Variants in ALK observed in about 807,000 individuals in gnomAD.
The protein encoded by ALK is ALK receptor tyrosine kinase.
In ALK, 74 loss-of-function variants were observed where a neutral mutation model predicts 163.1. The observed-to-expected ratio is 0.45, with a 90% CI of 0.38 to 0.55. The LOEUF (loss-of-function observed/expected upper bound fraction) is 0.55. Among genes scored for constraint, ALK ranks in the 20% least tolerant of loss-of-function variants. The probability of loss-of-function intolerance (pLI) is 0.00; values close to 1 mark genes in which losing one functional copy is unlikely to be tolerated. For missense variants in ALK, 2,063 were observed against 2,105.3 expected, an observed-to-expected ratio of 0.98 and a Z score of 0.39; for synonymous variants, 960 against 843.2, an observed-to-expected ratio of 1.14 and a Z score of -2.40.
chr2:29,641,531 T>C (rs1676702767), intron 3 of ALK, among the ~76,000 whole-genome samples: 2 of 152,152 alleles, frequency 1.3e-5, no homozygotes, highest in Non-Finnish European at 2.9e-5. Flanking sequence ...CATGCTTTTA[T>C]TGTTCAATTA....
At chr2:29,726,918 C>G (rs1679592005) in intron 1 of ALK, among the ~76,000 whole-genome samples, 1 of 152,186 alleles carries the variant, frequency 6.6e-6, no homozygotes. Context: ...CTGCAGACCT[C>G]TGATGTGTGG....
chr2:29,708,842 A>G (rs901251935), intron 2 of ALK, among the ~76,000 whole-genome samples: 3 of 152,052 alleles, frequency 2.0e-5, no homozygotes, highest in African/African-American at 7.2e-5. Flanking sequence ...TGATCAGACC[A>G]CAGAAGGCCC....
intron 3 of ALK, among the ~76,000 whole-genome samples, chr2:29,552,780 C>T (rs535839306): frequency 2.6e-5 from 4 of 152,136 alleles, no homozygotes; most frequent in Admixed American, 1.3e-4. Context: ...AAGTAAACAT[C>T]GGATTGTATC....
At chr2:29,308,651 G>A (rs1209187490) in intron 8 of ALK, among the ~76,000 whole-genome samples, 2 of 152,232 alleles carry the variant, frequency 1.3e-5, no homozygotes, top group Non-Finnish European at 2.9e-5. Context: ...TACGTATCAC[G>A]TAATATCTCA....
chr2:29,570,835 A>T (rs1359808949), intron 3 of ALK, among the ~76,000 whole-genome samples: 1 of 152,210 alleles, frequency 6.6e-6, no homozygotes, highest in Non-Finnish European at 1.5e-5. Flanking sequence ...GCAAAGCAAA[A>T]CTTTTATTTA....
intron 4 of ALK, among the ~76,000 whole-genome samples, chr2:29,463,465 T>C (rs1266339716): frequency 6.6e-6 from 1 of 152,158 alleles, no homozygotes; most frequent in East Asian, 1.9e-4. Context: ...GCTACAGGGA[T>C]TGCTCTCATG....
chr2:29,399,184 G>A (rs1669383739), intron 4 of ALK, among the ~76,000 whole-genome samples: 1 of 152,200 alleles, frequency 6.6e-6, no homozygotes, highest in African/African-American at 2.4e-5. Flanking sequence ...TCTCTTAGGA[G>A]CTCTAAGAGG....
intron 12 of ALK, 131 bp downstream of exon 12, chr2:29,250,973 CT>C: frequency 2.8e-5 from 24 of 848,096 alleles, no homozygotes; most frequent in Non-Finnish European, 4.2e-5. Flanking sequence ...TTTATACCCC[CT>C]ATGGGCCTGA....
chr2:29,820,943 C>G (rs1026968183), intron 1 of ALK, among the ~76,000 whole-genome samples: 1 of 152,164 alleles, frequency 6.6e-6, no homozygotes, highest in African/African-American at 2.4e-5. Flanking sequence ...TTTGGGGATA[C>G]ATGTTGTTCT....
At chr2:29,277,596 G>A (rs186000223) in intron 9 of ALK, among the ~76,000 whole-genome samples, 68 of 152,368 alleles carry the variant, frequency 4.5e-4, no homozygotes, top group Non-Finnish European at 4.3e-4. Context: ...TGTTGTAGCC[G>A]TGGCCAGCAT....
In ALK at chr2:29,807,330, A is replaced by T. The variant is rs149312567; in HGVS notation, c.668-89633T>A. 3.9e-5 allele frequency among the ~76,000 whole-genome samples: 6 copies of T among 152,336 alleles called. No homozygotes were observed. The East Asian group carries it at 1.2e-3, about 29-fold the overall frequency. ...GAATGAAAAAGAATAGAAGATAACC[A>T]TAGCGGTGTGAGTCTTGTGCTATTG... On this transcript the variant is annotated intron_variant, in intron 1 of 28. Transcript: ENST00000389048.
intron 1 of ALK, among the ~76,000 whole-genome samples, chr2:29,727,954 G>A (rs972806289): frequency 2.0e-5 from 3 of 152,118 alleles, no homozygotes; most frequent in African/African-American, 4.8e-5. Context: ...TGCTTCACTC[G>A]AAGTCATCTC....
chr2:29,278,422 G>A (rs1482728791), intron 9 of ALK, among the ~76,000 whole-genome samples: 1 of 152,178 alleles, frequency 6.6e-6, no homozygotes, highest in East Asian at 1.9e-4. Flanking sequence ...AAGCAGGATG[G>A]GGACCAGGAG....
intron 5 of ALK, among the ~76,000 whole-genome samples, chr2:29,364,494 C>T (rs12328366): frequency 0.059 from 8,957 of 152,254 alleles, 351 homozygotes; most frequent in African/African-American, 0.11. Flanking sequence ...CCTGCCAGTT[C>T]CTTCTGAAGG....
intron 9 of ALK, among the ~76,000 whole-genome samples, chr2:29,295,996 A>T (rs1283387483): frequency 6.6e-6 from 1 of 152,192 alleles, no homozygotes; most frequent in East Asian, 1.9e-4. Context: ...GAGTGCTGCC[A>T]TGCAGGGCCA....
At chr2:29,555,623 A>G (rs539421797) in intron 3 of ALK, among the ~76,000 whole-genome samples, 21 of 152,226 alleles carry the variant, frequency 1.4e-4, no homozygotes, top group African/African-American at 4.3e-4. Context: ...ATTGACTTCA[A>G]TTCATAAATT....
At chr2:29,598,597 AGT>A (rs1391787207) in intron 3 of ALK, among the ~76,000 whole-genome samples, 1 of 152,212 alleles carries the variant, frequency 6.6e-6, no homozygotes, top group Non-Finnish European at 1.5e-5. Flanking sequence ...TGGTTTTAAT[AGT>A]ACATGACATT....
At position 29,193,792 on chromosome 2, in the gene ALK, C is replaced by A. The variant is rs1374838786; in HGVS notation, c.4295G>T (p.Arg1432Leu). The stretch of plus-strand genomic sequence containing the variant: ...GGCAGCTGGGCTGCGCTCCTCCTCC[C>A]GTTTTGCCTGTTGAGAGACCAGGAG... ...PPLLVSQQAK[R>L]EEERSPAAPP... The change falls in exon 29 of 29, where the codon CGG becomes CTG. Residue 1432 changes from arginine to leucine, a missense_variant. By Grantham distance (102) the Arg-to-Leu change is moderately radical. Coordinates refer to ENST00000389048, the MANE Select transcript of ALK (RefSeq NM_004304.5). The A allele has an allele frequency of 6.3e-7, 1 of 1,595,352 alleles. No homozygotes were observed. Among genetic ancestry groups the A allele is most frequent in the Non-Finnish European group, 8.5e-7 (1 of 1,170,504 alleles).
rs76407470 is a variant in ALK, at chr2:29,263,047, A to G, written c.2042-11780T>C. On this transcript the variant is annotated intron_variant, in intron 11 of 28. Coordinates refer to ENST00000389048, the MANE Select transcript of ALK (RefSeq NM_004304.5). ...GAGTGGGGCCAATAAAGTGTTTGAT[A>G]TCACATGGGTGCTGTGGACTCAGCC... Among the ~76,000 whole-genome samples, 982 of 152,368 alleles carry G rather than the reference A, an allele frequency of 6.4e-3. 10 individuals are homozygous for G. The highest frequency in any genetic ancestry group is 0.022 in the African/African-American group (926 of 41,590).
Sources: allele counts gnomAD v4.1 joint callset (sites outside exome capture counted in the v4.1 genomes callset), GRCh38; gene constraint gnomAD v4.1.1; transcripts MANE v1.5; gene names NCBI Gene and HGNC (gene_info 2026-07-23, HGNC 2026-07-21).